Variants in KIAA0825 observed in about 807,000 individuals in gnomAD.
The protein encoded by KIAA0825 is uncharacterized protein KIAA0825.
Under a neutral mutation model 147.6 loss-of-function variants are expected in KIAA0825, and 119 were observed. The ratio of observed to expected loss-of-function variants is 0.81; its 90% confidence interval spans 0.69 to 0.94. The LOEUF (loss-of-function observed/expected upper bound fraction) is 0.94, where lower values mean the gene tolerates loss of function less well. KIAA0825 is among the 40% of genes least tolerant of loss of function. The pLI, the probability that KIAA0825 is intolerant of heterozygous loss-of-function variation, is 0.00. For missense variants in KIAA0825, 1,381 were observed against 1,472.7 expected (o/e 0.94, Z 1.02); for synonymous variants, 470 against 518.1 (o/e 0.91, Z 1.26).
intron 6 of KIAA0825, among the ~76,000 whole-genome samples, chr5:94,478,483 A>AC (rs1562539041): frequency 6.6e-6 from 1 of 151,494 alleles, no homozygotes; most frequent in Non-Finnish European, 1.5e-5. Context: ...ACACACACAC[A>AC]AATTGGGGAT....
intron 2 of KIAA0825, chr5:94,569,414 C>A: frequency 2.5e-6 from 1 of 400,036 alleles, no homozygotes; most frequent in South Asian, 1.3e-4. Flanking sequence ...AGAAGAAAAC[C>A]CCACAAACCC....
intron 20 of KIAA0825, among the ~76,000 whole-genome samples, chr5:94,342,864 T>C (rs896271994): frequency 6.6e-6 from 1 of 151,950 alleles, no homozygotes; most frequent in Non-Finnish European, 1.5e-5. Flanking sequence ...ATGATTTGAG[T>C]AGATGTCAAA....
intron 10 of KIAA0825, among the ~76,000 whole-genome samples, chr5:94,466,484 C>G (rs1760517431): frequency 6.6e-6 from 1 of 151,872 alleles, no homozygotes; most frequent in Admixed American, 6.6e-5. Flanking sequence ...CGTTAGGAGG[C>G]CTAGGTGGGC....
At chr5:94,434,773 C>T (rs1312029650) in intron 14 of KIAA0825, among the ~76,000 whole-genome samples, 1 of 152,090 alleles carries the variant, frequency 6.6e-6, no homozygotes, top group Non-Finnish European at 1.5e-5. Context: ...TTATTAGGAA[C>T]CCCCTTGAGC....
At chr5:94,289,535 G>GAA (rs540467740) in intron 20 of KIAA0825, among the ~76,000 whole-genome samples, 1,771 of 100,672 alleles carry the variant, frequency 0.018, 20 homozygotes, top group Non-Finnish European at 0.026. Flanking sequence ...ACTCCATCTG[G>GAA]AAAAAAAAAA....
chr5:94,293,700 T>A (rs1778005692), intron 20 of KIAA0825, among the ~76,000 whole-genome samples: 1 of 152,150 alleles, frequency 6.6e-6, no homozygotes, highest in Admixed American at 6.6e-5. Flanking sequence ...TGTCTAATAT[T>A]GACAGTGGGG....
intron 18 of KIAA0825, among the ~76,000 whole-genome samples, chr5:94,387,944 C>T (rs1749385755): frequency 6.6e-6 from 1 of 152,122 alleles, no homozygotes; most frequent in African/African-American, 2.4e-5. Context: ...TTATAAAACC[C>T]TAAAAATTGA....
intron 2 of KIAA0825, among the ~76,000 whole-genome samples, chr5:94,572,137 G>A (rs890383317): frequency 1.3e-5 from 2 of 150,990 alleles, no homozygotes; most frequent in African/African-American, 4.9e-5. Flanking sequence ...AACCAAGTTT[G>A]GACTATATTC....
chr5:94,377,773 G>A (rs1214937834), intron 20 of KIAA0825, among the ~76,000 whole-genome samples: 3 of 152,070 alleles, frequency 2.0e-5, no homozygotes, highest in African/African-American at 7.2e-5. Context: ...ATATATTCAG[G>A]ATCTGTTTTC....
chr5:94,522,847 T>C (rs1361199750), intron 4 of KIAA0825, among the ~76,000 whole-genome samples: 1 of 151,578 alleles, frequency 6.6e-6, no homozygotes, highest in Non-Finnish European at 1.5e-5. Context: ...GTGTGACAGA[T>C]TAAAAGATAA....
In KIAA0825 at chr5:94,438,832, G is replaced by A. The variant is rs117350254; in HGVS notation, c.2497+1150C>T. ...GTATACTAACAGGCTGGTAGGGCCC[G>A]ATGACATTTGCCTCATTCACATATA... On this transcript the variant is annotated intron_variant, in intron 14 of 20. Transcript: ENST00000682413. 1.6e-4 allele frequency among the ~76,000 whole-genome samples: 25 copies of A among 152,274 alleles called. No homozygotes were observed. The East Asian group carries it at 3.7e-3, about 22-fold the overall frequency.
intron 10 of KIAA0825, among the ~76,000 whole-genome samples, chr5:94,468,990 T>C (rs572638650): frequency 6.6e-6 from 1 of 152,308 alleles, no homozygotes; most frequent in African/African-American, 2.4e-5. Context: ...TCAAGGAATT[T>C]CAAATATTGT....
At chr5:94,413,178 C>A (rs147535475) in intron 15 of KIAA0825, 1 of 151,884 alleles carries the variant, frequency 6.6e-6, no homozygotes, top group Non-Finnish European at 1.5e-5. Context: ...CTCAAACTCT[C>A]GACCGCAGAT....
At chr5:94,182,250 C>CTTTTTGTTTTTTTTTTTTTT (rs1769703383) in intron 20 of KIAA0825, among the ~76,000 whole-genome samples, 1 of 38,276 alleles carries the variant, frequency 2.6e-5, no homozygotes, top group African/African-American at 1.1e-4. Flanking sequence ...AATGTCCCTT[C>CTTTTTGTTTTTTTTTTTTTT]TTTTTTTTTT....
chr5:94,521,819 G>A (rs978070537), intron 4 of KIAA0825, among the ~76,000 whole-genome samples: 2 of 151,526 alleles, frequency 1.3e-5, no homozygotes, highest in East Asian at 3.9e-4. Flanking sequence ...ATATTCTCTA[G>A]GTAGAAACAA....
chr5:94,513,506 T>C (rs918164731), intron 5 of KIAA0825, among the ~76,000 whole-genome samples: 21 of 152,206 alleles, frequency 1.4e-4, no homozygotes, highest in Non-Finnish European at 1.3e-4. Context: ...TTGCTAATTC[T>C]TCCTATATGG....
rs1045372896 is a variant in KIAA0825 at position 94,151,447 on chromosome 5, A to C, written c.*2560T>G. ...TCAAAAAAAAAAAAAAAAAAAAAAAAAAAACATATTGAGTATAAAGTCAAA... is the reference window on the plus strand; with the variant it reads ...TCAAAAAAAAAAAAAAAAAAAAAAACAAAACATATTGAGTATAAAGTCAAA... On this transcript the variant is annotated 3_prime_UTR_variant, in exon 21 of 21. Coordinates refer to ENST00000682413, the MANE Select transcript of KIAA0825 (RefSeq NM_001145678.3). Among the ~76,000 whole-genome samples, 22 of 151,406 alleles carry C rather than the reference A, an allele frequency of 1.5e-4. No homozygotes were observed. Among genetic ancestry groups the C allele is most frequent in the Middle Eastern group, 6.8e-3 (2 of 292 alleles).
At chr5:94,533,124 G>T (rs1302910577) in intron 3 of KIAA0825, among the ~76,000 whole-genome samples, 4 of 151,090 alleles carry the variant, frequency 2.6e-5, no homozygotes, top group Non-Finnish European at 4.4e-5. Flanking sequence ...GACTACAGGC[G>T]CCCGCCACCA....
rs867361479 is a variant in KIAA0825 at position 94,484,691 on chromosome 5, C to T, written c.1132+78G>A. 2.4e-5 allele frequency: 23 copies of T among 944,342 alleles called. No individual in the cohort carries two copies. In the African/African-American group the frequency reaches 2.9e-4, roughly 12 times the overall value. 58.5% of individuals were successfully genotyped at this position (944,342 alleles called of 1,614,324 possible). On this transcript the variant is annotated intron_variant, in intron 6 of 20. Coordinates refer to ENST00000682413, the MANE Select transcript of KIAA0825 (RefSeq NM_001145678.3). ...TTCATGTGTGTTTTTTTCAAGTAATCGTTTTCATTCAAAGCAGCAGGAAGC... is the reference window on the plus strand; with the variant it reads ...TTCATGTGTGTTTTTTTCAAGTAATTGTTTTCATTCAAAGCAGCAGGAAGC...
Sources: gnomAD v4.1 joint callset for allele counts (sites outside exome capture counted in the v4.1 genomes callset) on GRCh38, gnomAD v4.1.1 for gene constraint, MANE v1.5 for transcripts, NCBI Gene and HGNC (gene_info 2026-07-23, HGNC 2026-07-21) for gene names.